ARPC2: variants seen among roughly 807,000 people sequenced by gnomAD.
ARPC2 encodes the protein actin-related protein 2/3 complex subunit 2.
Under a neutral mutation model 38.6 loss-of-function variants are expected in ARPC2, and 4 were observed. That is an observed-to-expected ratio of 0.10 (90% CI 0.05 to 0.24). The LOEUF (loss-of-function observed/expected upper bound fraction) is 0.24. Among genes scored for constraint, ARPC2 ranks in the 10% least tolerant of loss-of-function variants. The pLI, the probability that ARPC2 is intolerant of heterozygous loss-of-function variation, is 1.00. For synonymous variants in ARPC2, 125 were observed against 140.8 expected, an observed-to-expected ratio of 0.89 and a Z score of 0.79; for missense variants, 229 against 387.3, an observed-to-expected ratio of 0.59 and a Z score of 3.43.
intron 8 of ARPC2, among the ~76,000 whole-genome samples, chr2:218,246,354 G>A (rs1003966395): frequency 4.6e-5 from 7 of 151,010 alleles, no homozygotes; most frequent in East Asian, 2.0e-4. Context: ...GAAACACTCC[G>A]TCTCTACCAA....
intron 7 of ARPC2, 106 bp downstream of exon 7, chr2:218,239,590 AG>A: frequency 3.5e-6 from 3 of 853,278 alleles, no homozygotes; most frequent in South Asian, 1.7e-5. Flanking sequence ...TACTGATGTT[AG>A]AATTTTTTTT....
chr2:218,249,258 G>A (rs1438501645), intron 8 of ARPC2, 106 bp from the exon 9 acceptor site: 4 of 727,800 alleles, frequency 5.5e-6, no homozygotes, highest in African/African-American at 5.4e-5. Context: ...CACAAGTGGA[G>A]TGTACTTAAG....
intron 10 of ARPC2, among the ~76,000 whole-genome samples, chr2:218,251,062 G>A (rs567087669): frequency 2.6e-4 from 40 of 151,708 alleles, no homozygotes; most frequent in African/African-American, 8.7e-4. Flanking sequence ...TCTAGAACTC[G>A]TGAGCTCAGG....
chr2:218,240,072 A>G (rs1689875722), intron 7 of ARPC2, among the ~76,000 whole-genome samples: 1 of 151,966 alleles, frequency 6.6e-6, no homozygotes, highest in Non-Finnish European at 1.5e-5. Flanking sequence ...TTCCTGCCTC[A>G]GCCTCCCAAG....
At chr2:218,250,632 C>G (rs1235738777) in intron 10 of ARPC2, among the ~76,000 whole-genome samples, 1 of 149,808 alleles carries the variant, frequency 6.7e-6, no homozygotes, top group African/African-American at 2.5e-5. Flanking sequence ...CCACTGCACT[C>G]CAGCCTGAGC....
chr2:218,234,589 T>C (rs1366119094), intron 5 of ARPC2, 192 bp downstream of exon 5: 1 of 587,256 alleles, frequency 1.7e-6, no homozygotes, highest in African/African-American at 1.9e-5. Flanking sequence ...TGGAACACAG[T>C]AGAGGTACAA....
At chr2:218,250,996 C>G (rs577627947) in intron 10 of ARPC2, among the ~76,000 whole-genome samples, 1 of 151,840 alleles carries the variant, frequency 6.6e-6, no homozygotes, top group East Asian at 2.0e-4. Flanking sequence ...CCACCACGCC[C>G]GGCTAATTTT....
At chr2:218,225,418 G>A (rs1464796482) in intron 2 of ARPC2, among the ~76,000 whole-genome samples, 1 of 152,200 alleles carries the variant, frequency 6.6e-6, no homozygotes, top group East Asian at 1.9e-4. Context: ...AGATGAGTAG[G>A]AAGGCTTACA....
intron 2 of ARPC2, among the ~76,000 whole-genome samples, chr2:218,222,785 A>G (rs967225616): frequency 6.6e-6 from 1 of 152,208 alleles, no homozygotes; most frequent in African/African-American, 2.4e-5. Flanking sequence ...TGTGACAGAT[A>G]GTGGATCTCA....
At chr2:218,219,571 A>G (rs925200231) in intron 2 of ARPC2, among the ~76,000 whole-genome samples, 9 of 152,068 alleles carry the variant, frequency 5.9e-5, no homozygotes, top group Admixed American at 1.3e-4. Flanking sequence ...GCTGGTCTCA[A>G]ACTCCTGGCC....
intron 6 of ARPC2, 75 bp from the exon 7 acceptor site, chr2:218,239,316 G>A: frequency 9.8e-7 from 1 of 1,020,018 alleles, no homozygotes; most frequent in Non-Finnish European, 1.5e-6. Context: ...GCCTTCTGAT[G>A]TACTTGTAGA....
At chr2:218,222,463 T>C (rs937270913) in intron 2 of ARPC2, among the ~76,000 whole-genome samples, 39 of 152,308 alleles carry the variant, frequency 2.6e-4, no homozygotes, top group African/African-American at 9.4e-4. Flanking sequence ...GAATAGCTCT[T>C]AAAACCTGTC....
chr2:218,230,159 A>G (rs934606595), intron 4 of ARPC2, among the ~76,000 whole-genome samples: 1 of 151,578 alleles, frequency 6.6e-6, no homozygotes, highest in Non-Finnish European at 1.5e-5. Flanking sequence ...TTTCATAGAG[A>G]TGGCGTTTCA....
intron 2 of ARPC2, among the ~76,000 whole-genome samples, chr2:218,225,506 A>T (rs1689475573): frequency 6.6e-6 from 1 of 152,138 alleles, no homozygotes; most frequent in Non-Finnish European, 1.5e-5. Flanking sequence ...GCATATTAAA[A>T]CCATTCTACA....
chr2:218,236,561 G>A (rs1392073599), intron 5 of ARPC2: 1 of 152,152 alleles, frequency 6.6e-6, no homozygotes, highest in Non-Finnish European at 1.5e-5. Context: ...CGGAGGCCAG[G>A]GCGGGCGGAT....
intron 3 of ARPC2, chr2:218,227,046 G>T (rs1040990999): frequency 2.2e-6 from 1 of 456,336 alleles, no homozygotes; most frequent in East Asian, 6.9e-5. Flanking sequence ...AAGAGTCCTC[G>T]ACAAGATGAT....
At chr2:218,247,895 A>T (rs1690085634) in intron 8 of ARPC2, among the ~76,000 whole-genome samples, 1 of 151,840 alleles carries the variant, frequency 6.6e-6, no homozygotes, top group South Asian at 2.1e-4. Context: ...ATAGGCCAAG[A>T]TCACGCGACT....
At chr2:218,246,448 T>C (rs1690034023) in intron 8 of ARPC2, among the ~76,000 whole-genome samples, 1 of 152,080 alleles carries the variant, frequency 6.6e-6, no homozygotes, top group African/African-American at 2.4e-5. Flanking sequence ...AAGAATCCCT[T>C]GGACCCAGGA....
At chr2:218,247,039 C>T (rs749858189) in intron 8 of ARPC2, among the ~76,000 whole-genome samples, 4 of 152,004 alleles carry the variant, frequency 2.6e-5, no homozygotes, top group Non-Finnish European at 5.9e-5. Flanking sequence ...GTGAGAGGAT[C>T]ACTTGAACCC....
Sources: allele counts gnomAD v4.1 joint callset (sites outside exome capture counted in the v4.1 genomes callset), GRCh38; gene constraint gnomAD v4.1.1; transcripts MANE v1.5; gene names NCBI Gene and HGNC (gene_info 2026-07-23, HGNC 2026-07-21).